Variants in RAB33B observed in about 807,000 individuals in gnomAD.
The protein encoded by RAB33B is RAB33B, member RAS oncogene family.
Under a neutral mutation model 15.0 loss-of-function variants are expected in RAB33B, and 6 were observed. The ratio of observed to expected loss-of-function variants is 0.40; its 90% confidence interval spans 0.22 to 0.79. The LOEUF is 0.79. Among genes scored for constraint, RAB33B ranks in the 30% least tolerant of loss-of-function variants. The probability of loss-of-function intolerance (pLI) is 0.37; values close to 1 mark genes in which losing one functional copy is unlikely to be tolerated. For synonymous variants in RAB33B, 117 were observed against 108.3 expected (o/e 1.08, Z -0.50); for missense variants, 257 against 296.4 (o/e 0.87, Z 0.98).
chr4:139,458,263 C>G (rs1750108011), intron 1 of RAB33B, among the ~76,000 whole-genome samples: 1 of 152,062 alleles, frequency 6.6e-6, no homozygotes, highest in Admixed American at 6.6e-5. Context: ...CAGAGCCAGA[C>G]CCTGTCTCTG....
chr4:139,441,624 G>A, the RAB33B span, among the ~76,000 whole-genome samples: 2 of 152,298 alleles, frequency 1.3e-5, no homozygotes, highest in Admixed American at 6.5e-5. Context: ...ATCACAAGCT[G>A]AAAATATCTT....
chr4:139,455,103 C>T (rs1310649265), intron 1 of RAB33B, among the ~76,000 whole-genome samples: 1 of 152,172 alleles, frequency 6.6e-6, no homozygotes, highest in African/African-American at 2.4e-5. Context: ...TCTTTATTCC[C>T]TTTAAGTCGT....
chr4:139,443,620 C>A, the RAB33B span, among the ~76,000 whole-genome samples: 5 of 152,296 alleles, frequency 3.3e-5, no homozygotes, highest in Non-Finnish European at 7.4e-5. Flanking sequence ...TGACCTGCAA[C>A]AAAAGGTGCA....
the RAB33B span, among the ~76,000 whole-genome samples, chr4:139,443,353 T>C: frequency 6.6e-6 from 1 of 152,298 alleles, no homozygotes; most frequent in Admixed American, 6.5e-5. Flanking sequence ...GATTCACCAC[T>C]TGTGAGAGGC....
chr4:139,465,642 A>C (rs1750269101), intron 1 of RAB33B, among the ~76,000 whole-genome samples: 1 of 152,152 alleles, frequency 6.6e-6, no homozygotes, highest in Admixed American at 6.5e-5. Context: ...TTTATTAAAT[A>C]GGGAATGGGA....
intron 1 of RAB33B, among the ~76,000 whole-genome samples, chr4:139,455,270 GAC>G (rs1750047232): frequency 6.6e-6 from 1 of 152,174 alleles, no homozygotes; most frequent in Non-Finnish European, 1.5e-5. Flanking sequence ...ATAAACCTTA[GAC>G]ACACCTTCAT....
At position 139,473,437 on chromosome 4, in the gene RAB33B, C is replaced by T; in HGVS notation, c.*311C>T. On this transcript the variant is annotated 3_prime_UTR_variant, in exon 2 of 2. Transcript: ENST00000305626. ...ATCAGTAACCATTCAATCTTTTGTC[C>T]TAGGATTGGAAAAAAATGTTAAAGG... The T allele has an allele frequency of 3.1e-6, 1 of 317,620 alleles. No individual in the cohort carries two copies. The highest frequency in any genetic ancestry group is 5.8e-5 in the East Asian group (1 of 17,170). The allele number at this position is 317,620 out of a possible 1,614,324, so 19.7% of individuals were successfully genotyped here.
chr4:139,467,373 CTTTT>C (rs760811130), intron 1 of RAB33B, among the ~76,000 whole-genome samples: 1 of 36,448 alleles, frequency 2.7e-5, no homozygotes, highest in Non-Finnish European at 4.6e-5. Context: ...TCAGACTGGT[CTTTT>C]TTTTTTTTTT....
chr4:139,456,281 C>CAAAACA (rs1328204215), intron 1 of RAB33B, among the ~76,000 whole-genome samples: 1 of 150,004 alleles, frequency 6.7e-6, no homozygotes, highest in Non-Finnish European at 1.5e-5. Context: ...ATTTAAAAAA[C>CAAAACA]AAAACAAAAA....
intron 1 of RAB33B, among the ~76,000 whole-genome samples, chr4:139,459,588 T>C (rs1250005105): frequency 6.6e-6 from 1 of 152,116 alleles, no homozygotes; most frequent in East Asian, 1.9e-4. Context: ...GCAGGATCCA[T>C]GTCTGGTAAT....
chr4:139,451,363 C>CTTTTTTTTTTT (rs901731114), upstream of RAB33B: 4 of 108,630 alleles, frequency 3.7e-5, no homozygotes, highest in East Asian at 2.6e-4. Context: ...ACCACACCCA[C>CTTTTTTTTTTT]TTTTTTTTTT....
the RAB33B span, among the ~76,000 whole-genome samples, chr4:139,446,518 A>G: frequency 1.3e-5 from 2 of 152,260 alleles, no homozygotes; most frequent in African/African-American, 4.8e-5. Flanking sequence ...TGGAAGAAGC[A>G]TAATTGGAAA....
the RAB33B span, among the ~76,000 whole-genome samples, chr4:139,447,319 C>T: frequency 4.6e-5 from 7 of 152,148 alleles, no homozygotes; most frequent in African/African-American, 1.4e-4. Context: ...CCTGAATCAG[C>T]GTCCAATATA....
the RAB33B span, among the ~76,000 whole-genome samples, chr4:139,440,207 T>C: frequency 6.6e-6 from 1 of 152,242 alleles, no homozygotes; most frequent in Non-Finnish European, 1.5e-5. Flanking sequence ...AGGTCTTTTC[T>C]GAGCCTGCAC....
chr4:139,457,217 G>GT (rs1264625498), intron 1 of RAB33B, among the ~76,000 whole-genome samples: 1 of 152,220 alleles, frequency 6.6e-6, no homozygotes, highest in Non-Finnish European at 1.5e-5. Context: ...TTCCTAAGCA[G>GT]TATGTGCAGG....
At position 139,474,287 on chromosome 4, in the gene RAB33B, A is replaced by G. The variant is rs973477443; in HGVS notation, c.*1161A>G. 1 of 152,178 alleles carries G rather than the reference A, an allele frequency of 6.6e-6. No individual in the cohort carries two copies. Among genetic ancestry groups the G allele is most frequent in the African/African-American group, 2.4e-5 (1 of 41,440 alleles). 9.4% of individuals were successfully genotyped at this position (152,178 alleles called of 1,614,324 possible). On this transcript the variant is annotated 3_prime_UTR_variant, in exon 2 of 2. Transcript: ENST00000305626. ...AATAAAGTGACATAAGGTGCTTTAT[A>G]TTTTATTTTGGTATATTTAAACAGT... is the stretch of plus-strand genomic sequence containing the variant.
At position 139,473,273 on chromosome 4, in the gene RAB33B, C is replaced by T; in HGVS notation, c.*147C>T. 2 of 778,512 alleles carry T rather than the reference C, an allele frequency of 2.6e-6. No individual in the cohort carries two copies. Among genetic ancestry groups the T allele is most frequent in the Non-Finnish European group, 3.9e-6 (2 of 512,202 alleles). 48.2% of individuals were successfully genotyped at this position (778,512 alleles called of 1,614,324 possible). On this transcript the variant is annotated 3_prime_UTR_variant, in exon 2 of 2. Transcript: ENST00000305626. The stretch of plus-strand genomic sequence containing the variant: ...ATTGTCACGCTTTTGTATTTTGTAT[C>T]TACTTAAGTTTGTCACTGTGACAAC...
chr4:139,468,097 A>G (rs1441706125), intron 1 of RAB33B, among the ~76,000 whole-genome samples: 6 of 151,894 alleles, frequency 4.0e-5, no homozygotes, highest in African/African-American at 1.5e-4. Flanking sequence ...TAGATCCCAC[A>G]AATAAGTGAG....
In RAB33B at chr4:139,474,300, A is replaced by G. The variant is rs919233617; in HGVS notation, c.*1174A>G. 1.1e-4 allele frequency: 17 copies of G among 152,206 alleles called. No individual in the cohort carries two copies. Among genetic ancestry groups the G allele is most frequent in the African/African-American group, 4.1e-4 (17 of 41,452 alleles). 9.4% of individuals were successfully genotyped at this position (152,206 alleles called of 1,614,324 possible). A position where few individuals can be genotyped will look rare whatever the true frequency, so the allele number is the denominator to read the frequency against. ...AAGGTGCTTTATATTTTATTTTGGT[A>G]TATTTAAACAGTGAAAAACTAACTG... On this transcript the variant is annotated 3_prime_UTR_variant, in exon 2 of 2. Transcript: ENST00000305626.
Sources: allele counts gnomAD v4.1 joint callset (sites outside exome capture counted in the v4.1 genomes callset), GRCh38; gene constraint gnomAD v4.1.1; transcripts MANE v1.5; gene names NCBI Gene and HGNC (gene_info 2026-07-23, HGNC 2026-07-21).